Variants in SCAI observed in about 807,000 individuals in gnomAD.
SCAI encodes suppressor of cancer cell invasion.
In SCAI, 24 loss-of-function variants were observed where a neutral mutation model predicts 92.2. The observed-to-expected ratio is 0.26, with a 90% CI of 0.19 to 0.37. The LOEUF is 0.37. SCAI is among the 10% of genes least tolerant of loss of function. The probability of loss-of-function intolerance (pLI) is 1.00; values close to 1 mark genes in which losing one functional copy is unlikely to be tolerated. For missense variants in SCAI, 450 were observed against 736.2 expected, an observed-to-expected ratio of 0.61 and a Z score of 4.50; for synonymous variants, 261 against 258.6, an observed-to-expected ratio of 1.01 and a Z score of -0.09.
intron 2 of SCAI, among the ~76,000 whole-genome samples, chr9:125,134,634 C>T (rs118018641): frequency 2.8e-3 from 423 of 152,320 alleles, no homozygotes; most frequent in South Asian, 5.0e-3. Context: ...ATATTGGACT[C>T]TTCAGAATTT....
chr9:125,112,579 T>C lies in SCAI; in HGVS notation c.98+30054A>G, dbSNP rs1014697481. Among the ~76,000 whole-genome samples, 15 of 152,320 alleles carry C rather than the reference T, an allele frequency of 9.8e-5. No individual in the cohort carries two copies. In the South Asian group the frequency reaches 1.4e-3, roughly 15 times the overall value. ...GGCTTGTCACATGACAAACAGGATA[T>C]ATAAATAACCAATAAACATATACAA... On this transcript the variant is annotated intron_variant, in intron 2 of 17. Coordinates refer to ENST00000336505, the MANE Select transcript of SCAI (RefSeq NM_001144877.3).
At chr9:124,955,342 A>T (rs1831298593) in intron 17 of SCAI, among the ~76,000 whole-genome samples, 1 of 152,018 alleles carries the variant, frequency 6.6e-6, no homozygotes, top group Admixed American at 6.6e-5. Context: ...AGATGGGAGG[A>T]TCTCTTGAGC....
At chr9:124,953,927 C>CTGCA (rs1831273963) in intron 17 of SCAI, among the ~76,000 whole-genome samples, 1 of 152,152 alleles carries the variant, frequency 6.6e-6, no homozygotes, top group Admixed American at 6.5e-5. Flanking sequence ...GGCTGGCTTA[C>CTGCA]TGCAGCCTTG....
intron 2 of SCAI, among the ~76,000 whole-genome samples, chr9:125,090,960 T>C (rs1369121181): frequency 2.0e-5 from 3 of 151,748 alleles, no homozygotes; most frequent in Non-Finnish European, 4.4e-5. Flanking sequence ...CTACTAAAAA[T>C]ACAAAAAAAT....
At chr9:125,070,932 C>T (rs1298409433) in intron 2 of SCAI, among the ~76,000 whole-genome samples, 2 of 152,028 alleles carry the variant, frequency 1.3e-5, no homozygotes, top group Non-Finnish European at 2.9e-5. Context: ...AGGGACCCGG[C>T]GAGAGATAAT....
intron 13 of SCAI, among the ~76,000 whole-genome samples, chr9:124,995,787 A>C (rs1832226393): frequency 6.6e-6 from 1 of 152,132 alleles, no homozygotes; most frequent in African/African-American, 2.4e-5. Flanking sequence ...CACTGTGCCC[A>C]GCTACTTTTT....
chr9:125,000,022 C>T, intron 12 of SCAI, 32 bp from the exon 13 acceptor site: 1 of 1,007,170 alleles, frequency 9.9e-7, no homozygotes, highest in Non-Finnish European at 1.5e-6. Context: ...TCCTAGACTT[C>T]AGTTGAAGAC....
intron 5 of SCAI, 66 bp from the exon 6 acceptor site, chr9:125,026,976 T>C (rs1832976744): frequency 4.3e-6 from 4 of 927,590 alleles, no homozygotes; most frequent in East Asian, 2.5e-5. Flanking sequence ...TAAATACTTG[T>C]TCTATATACC....
At chr9:124,986,864 C>T (rs1255595092) in intron 14 of SCAI, among the ~76,000 whole-genome samples, 1 of 152,170 alleles carries the variant, frequency 6.6e-6, no homozygotes, top group African/African-American at 2.4e-5. Flanking sequence ...CTGTAGACAT[C>T]AGTCAAATAC....
At chr9:125,133,293 G>A (rs73579968) in intron 2 of SCAI, among the ~76,000 whole-genome samples, 2,119 of 152,162 alleles carry the variant, frequency 0.014, 56 homozygotes, top group African/African-American at 0.048. Context: ...AGAGGCTGAG[G>A]CAGGAGAATC....
intron 16 of SCAI, 57 bp downstream of exon 16, chr9:124,971,614 C>A (rs1274921848): frequency 2.8e-6 from 4 of 1,449,714 alleles, no homozygotes; most frequent in African/African-American, 2.8e-5. Context: ...AAATAAGTAA[C>A]CATTTTAAGC....
intron 9 of SCAI, among the ~76,000 whole-genome samples, chr9:125,008,090 C>A (rs1434553071): frequency 1.3e-5 from 2 of 151,872 alleles, no homozygotes; most frequent in Admixed American, 6.6e-5. Context: ...TGTGATCCGC[C>A]CGCCTCGGCC....
chr9:125,114,305 G>C (rs1382986649), intron 2 of SCAI, among the ~76,000 whole-genome samples: 1 of 152,010 alleles, frequency 6.6e-6, no homozygotes, highest in Admixed American at 6.5e-5. Context: ...AGAGCTGATG[G>C]TGTATAATGA....
intron 17 of SCAI, among the ~76,000 whole-genome samples, chr9:124,959,709 C>T (rs1309395676): frequency 6.9e-6 from 1 of 144,976 alleles, no homozygotes; most frequent in Non-Finnish European, 1.5e-5. Flanking sequence ...CAATAGGCCC[C>T]GATGTGTGAT....
rs186112696 is a variant in SCAI, at chr9:125,135,523, C to A, written c.98+7110G>T. Among the ~76,000 whole-genome samples, 10 of 152,108 alleles carry A rather than the reference C, an allele frequency of 6.6e-5. No individual in the cohort carries two copies. The South Asian group carries it at 1.9e-3, about 28-fold the overall frequency. On this transcript the variant is annotated intron_variant, in intron 2 of 17. Transcript: ENST00000336505. Reference sequence around the variant, plus strand: ...AAAAAATTAGCTGGGCATGGTGGTGCGCCCCTGTAATCTCAGGTATTCAGG... The same window carrying A: ...AAAAAATTAGCTGGGCATGGTGGTGAGCCCCTGTAATCTCAGGTATTCAGG...
intron 2 of SCAI, among the ~76,000 whole-genome samples, chr9:125,127,454 G>GTC (rs1184929192): frequency 6.7e-6 from 1 of 148,912 alleles, no homozygotes; most frequent in Admixed American, 6.8e-5. Flanking sequence ...GCCCAGGCTA[G>GTC]TCTGAGCTCA....
At chr9:125,068,355 C>G (rs554234454) in intron 2 of SCAI, among the ~76,000 whole-genome samples, 21 of 152,088 alleles carry the variant, frequency 1.4e-4, no homozygotes, top group African/African-American at 5.1e-4. Context: ...AAAAAATTAG[C>G]CAGGCATGAT....
intron 2 of SCAI, among the ~76,000 whole-genome samples, chr9:125,118,231 C>T (rs1696953335): frequency 6.6e-6 from 1 of 152,146 alleles, no homozygotes; most frequent in African/African-American, 2.4e-5. Context: ...AGCATGGTGG[C>T]TCACTTCTGT....
intron 2 of SCAI, among the ~76,000 whole-genome samples, chr9:125,103,939 A>G (rs1235621720): frequency 1.3e-5 from 2 of 152,154 alleles, no homozygotes; most frequent in African/African-American, 4.8e-5. Context: ...ACAGATGGGT[A>G]TCTTCTATTT....
Sources: allele counts gnomAD v4.1 joint callset (sites outside exome capture counted in the v4.1 genomes callset), GRCh38; gene constraint gnomAD v4.1.1; transcripts MANE v1.5; gene names NCBI Gene and HGNC (gene_info 2026-07-23, HGNC 2026-07-21).